Variants in HDAC4 observed in about 807,000 individuals in gnomAD.
HDAC4 encodes the protein histone deacetylase A.
A neutral mutation model predicts 135.1 loss-of-function variants in HDAC4; 16 were observed. The ratio of observed to expected loss-of-function variants is 0.12; its 90% CI spans 0.08 to 0.18. The LOEUF is 0.18. Ranked by LOEUF, HDAC4 falls within the 10% of genes least tolerant of loss-of-function variation. The pLI is 1.00. For missense variants in HDAC4, 1,143 were observed against 1,511.8 expected (o/e 0.76, Z 4.05); for synonymous variants, 685 against 653.4 (o/e 1.05, Z -0.74).
Position 239,068,860 on chromosome 2 carries a change from T to C in HDAC4, c.2751-253A>G. ...AGCAAGCCCCACGACACTTGCTTGG[T>C]GAGAGGGAGTCACGGTGCAAGCCAG... is the stretch of plus-strand genomic sequence containing the variant. On this transcript the variant is annotated intron_variant, in intron 22 of 26. Coordinates refer to ENST00000543185, the MANE Select transcript of HDAC4 (RefSeq NM_001378414.1). The surrounding 1 kb of genome is among the most constrained non-coding windows in gnomAD (Gnocchi z 4.4). 1 of 500,552 alleles carries C rather than the reference T, an allele frequency of 2.0e-6. No individual in the cohort carries two copies. The highest frequency in any genetic ancestry group is 4.0e-5 in the East Asian group (1 of 24,932). 31.0% of individuals were successfully genotyped at this position (500,552 alleles called of 1,614,324 possible).
At chr2:239,193,111 T>C (rs1403763614) in intron 3 of HDAC4, among the ~76,000 whole-genome samples, 1 of 152,194 alleles carries the variant, frequency 6.6e-6, no homozygotes, top group Non-Finnish European at 1.5e-5. Context: ...GCCTCATTTA[T>C]CCCTGTGTGG....
rs1575436163 is a variant in HDAC4, at chr2:239,217,692, C to T, written c.94+18901G>A. On this transcript the variant is annotated intron_variant, in intron 3 of 26. Transcript: ENST00000543185. The stretch of plus-strand genomic sequence containing the variant: ...GAACTAAAAAGAGAGCACGGCCTTC[C>T]AAATCACCAGAAGGAAAAGAAACCA... Among the ~76,000 whole-genome samples the T allele has an allele frequency of 3.3e-5, 5 of 152,168 alleles. No individual in the cohort carries two copies. The East Asian group carries it at 9.7e-4, about 29-fold the overall frequency.
Position 239,233,972 on chromosome 2 carries a change from C to T in HDAC4, c.94+2621G>A, listed in dbSNP as rs939986951. 2.6e-5 allele frequency among the ~76,000 whole-genome samples: 4 copies of T among 152,156 alleles called. 1 individual carries two copies. The East Asian group carries it at 5.8e-4, about 22-fold the overall frequency. ...CAATTGAGGACTGACATAACATATA[C>T]CTAAAAATGTTTATACTCCCATACC... is the stretch of plus-strand genomic sequence containing the variant. On this transcript the variant is annotated intron_variant, in intron 3 of 26. Coordinates refer to ENST00000543185, the MANE Select transcript of HDAC4 (RefSeq NM_001378414.1).
At chr2:239,084,569 C>A (rs1231876057) in intron 19 of HDAC4, among the ~76,000 whole-genome samples, 1 of 151,770 alleles carries the variant, frequency 6.6e-6, no homozygotes, top group East Asian at 1.9e-4. Flanking sequence ...ACACCCCACA[C>A]AGACACACAC....
At chr2:239,280,161 CA>C (rs1230628373) in intron 2 of HDAC4, among the ~76,000 whole-genome samples, 1 of 148,486 alleles carries the variant, frequency 6.7e-6, no homozygotes, top group Admixed American at 6.6e-5. Flanking sequence ...CCCTGAAAAA[CA>C]TGTTGGTCAA....
In HDAC4 at chr2:239,214,625, C is replaced by A. The variant is rs543400778; in HGVS notation, c.94+21968G>T. Reference sequence around the variant, plus strand: ...CATGGGTGACACCTGTGGCTCGCCACGCGTGGCAATGCTGGAGCTGTGAGC... The same window carrying A: ...CATGGGTGACACCTGTGGCTCGCCAAGCGTGGCAATGCTGGAGCTGTGAGC... On this transcript the variant is annotated intron_variant, in intron 3 of 26. Coordinates refer to ENST00000543185, the MANE Select transcript of HDAC4 (RefSeq NM_001378414.1). 4.6e-5 allele frequency among the ~76,000 whole-genome samples: 7 copies of A among 152,250 alleles called. No individual in the cohort carries two copies. The East Asian group carries it at 1.2e-3, about 25-fold the overall frequency.
intron 1 of HDAC4, among the ~76,000 whole-genome samples, chr2:239,377,963 T>C (rs569481476): frequency 6.6e-6 from 1 of 151,820 alleles, no homozygotes; most frequent in African/African-American, 2.4e-5. Flanking sequence ...GAAATAGGAG[T>C]TCTATGGACA....
chr2:239,380,323 T>C (rs1248588041), intron 1 of HDAC4, among the ~76,000 whole-genome samples: 3 of 135,878 alleles, frequency 2.2e-5, no homozygotes, highest in Admixed American at 1.6e-4. Context: ...GTATTTAATG[T>C]ACATTTACAT....
At chr2:239,205,710 G>T (rs1342199263) in intron 3 of HDAC4, among the ~76,000 whole-genome samples, 1 of 151,878 alleles carries the variant, frequency 6.6e-6, no homozygotes, top group Non-Finnish European at 1.5e-5. Flanking sequence ...AGGAGGGGAG[G>T]ACGAGGAGGG....
At chr2:239,235,193 G>A (rs775205925) in intron 3 of HDAC4, among the ~76,000 whole-genome samples, 52 of 151,202 alleles carry the variant, frequency 3.4e-4, no homozygotes, top group Non-Finnish European at 6.3e-4. Flanking sequence ...GGAGCCCCCC[G>A]AACACCCCCC....
At chr2:239,360,183 A>G (rs4852055) in intron 1 of HDAC4, among the ~76,000 whole-genome samples, 21,311 of 152,180 alleles carry the variant, frequency 0.14, 3,659 homozygotes, top group East Asian at 0.78. Flanking sequence ...TGACCAGGGA[A>G]GCCAGGACAC....
At chr2:239,217,979 C>A (rs1450670497) in intron 3 of HDAC4, among the ~76,000 whole-genome samples, 1 of 152,088 alleles carries the variant, frequency 6.6e-6, no homozygotes, top group Non-Finnish European at 1.5e-5. Context: ...GTGGTTCCAG[C>A]TACTCGGAAG....
At chr2:239,383,367 A>G (rs557041043) in intron 1 of HDAC4, among the ~76,000 whole-genome samples, 1 of 152,350 alleles carries the variant, frequency 6.6e-6, no homozygotes, top group East Asian at 1.9e-4. Context: ...CTGTGAGTTC[A>G]GAATCTGAAA....
intron 2 of HDAC4, among the ~76,000 whole-genome samples, chr2:239,265,607 G>A (rs112430674): frequency 6.5e-4 from 99 of 152,318 alleles, no homozygotes; most frequent in African/African-American, 2.3e-3. Flanking sequence ...GAGCCTTGAG[G>A]CACAAAGGAC....
chr2:239,197,887 A>C (rs1425287180), intron 3 of HDAC4, among the ~76,000 whole-genome samples: 1 of 56,288 alleles, frequency 1.8e-5, no homozygotes, highest in Non-Finnish European at 3.7e-5. Flanking sequence ...GTGTGTGCTG[A>C]GTGTCACCCA....
intron 6 of HDAC4, among the ~76,000 whole-genome samples, chr2:239,160,609 G>C (rs1002176193): frequency 6.6e-6 from 1 of 152,242 alleles, no homozygotes; most frequent in Non-Finnish European, 1.5e-5. Flanking sequence ...CCGTGCCTCT[G>C]GGGCTCCCCC....
intron 1 of HDAC4, among the ~76,000 whole-genome samples, chr2:239,387,077 C>A (rs1010458172): frequency 6.6e-6 from 1 of 151,274 alleles, no homozygotes; most frequent in African/African-American, 2.5e-5. Context: ...GTCCGGGGAG[C>A]ACGAGTGTGT....
intron 2 of HDAC4, among the ~76,000 whole-genome samples, chr2:239,317,673 C>T (rs1332057429): frequency 6.6e-6 from 1 of 152,086 alleles, no homozygotes; most frequent in Non-Finnish European, 1.5e-5. Flanking sequence ...TAAGGAAACA[C>T]ATAAATAAGG....
chr2:239,300,769 G>T (rs574899754), intron 2 of HDAC4, among the ~76,000 whole-genome samples: 3 of 152,222 alleles, frequency 2.0e-5, no homozygotes, highest in Non-Finnish European at 4.4e-5. Flanking sequence ...GAATTTTTCC[G>T]ACTGCTCTTT....
Sources: gnomAD v4.1 joint callset for allele counts (sites outside exome capture counted in the v4.1 genomes callset) on GRCh38, gnomAD v4.1.1 for gene constraint, Gnocchi (gnomAD v3.1) non-coding constraint, MANE v1.5 for transcripts, NCBI Gene and HGNC (gene_info 2026-07-23, HGNC 2026-07-21) for gene names.